SORBS2: variants seen among roughly 807,000 people sequenced by gnomAD.
The protein encoded by SORBS2 is sorbin and SH3 domain containing 2.
SORBS2 carries 46 observed loss-of-function variants against 97.7 expected under a neutral mutation model. That is an observed-to-expected ratio of 0.47 (90% confidence interval 0.37 to 0.60). SORBS2 has a LOEUF of 0.60. Ranked by LOEUF, SORBS2 falls within the 20% of genes least tolerant of loss-of-function variation. SORBS2 has a pLI of 0.00. For missense variants in SORBS2, 1,316 were observed against 1,282.3 expected, an observed-to-expected ratio of 1.03 and a Z score of -0.40; for synonymous variants, 476 against 473.4, an observed-to-expected ratio of 1.01 and a Z score of -0.07.
At chr4:185,665,680 C>G in intron 4 of SORBS2, 1 of 867,802 alleles carries the variant, frequency 1.2e-6, no homozygotes, top group Non-Finnish European at 1.4e-6. Context: ...GATGGCACAA[C>G]AAATCAGTCC....
intron 4 of SORBS2, among the ~76,000 whole-genome samples, chr4:185,641,891 G>T (rs2097132472): frequency 6.6e-6 from 1 of 151,968 alleles, no homozygotes; most frequent in African/African-American, 2.4e-5. Flanking sequence ...AGCTACCAAG[G>T]GTGAACAACT....
At chr4:185,595,054 G>C (rs919018068) in intron 12 of SORBS2, among the ~76,000 whole-genome samples, 1 of 152,138 alleles carries the variant, frequency 6.6e-6, no homozygotes, top group Non-Finnish European at 1.5e-5. Context: ...TCCAAGCTTG[G>C]ATGGATAATT....
At chr4:185,888,941 T>A (rs1340274195) in intron 1 of SORBS2, among the ~76,000 whole-genome samples, 1 of 152,236 alleles carries the variant, frequency 6.6e-6, no homozygotes, top group Non-Finnish European at 1.5e-5. Flanking sequence ...CCTGTCGCCT[T>A]CCAAATTGCC....
chr4:185,801,606 T>G (rs2099130811), intron 1 of SORBS2, among the ~76,000 whole-genome samples: 1 of 152,176 alleles, frequency 6.6e-6, no homozygotes, highest in Non-Finnish European at 1.5e-5. Context: ...TGTTTGCCAT[T>G]TGTATGTCTT....
chr4:185,907,068 AGAGGTTGCAGT>A (rs1416050300), intron 1 of SORBS2, among the ~76,000 whole-genome samples: 3 of 151,830 alleles, frequency 2.0e-5, no homozygotes, highest in Non-Finnish European at 2.9e-5. Flanking sequence ...CCTTGGAGGC[AGAGGTTGCAGT>A]GAGCTGAGAT....
chr4:185,844,832 C>T (rs1340086787), intron 1 of SORBS2, among the ~76,000 whole-genome samples: 1 of 152,098 alleles, frequency 6.6e-6, no homozygotes, highest in Non-Finnish European at 1.5e-5. Context: ...AGAACTTATG[C>T]TAAATGAAAG....
chr4:185,841,318 G>T (rs1392586748), intron 1 of SORBS2, among the ~76,000 whole-genome samples: 1 of 152,200 alleles, frequency 6.6e-6, no homozygotes, highest in Admixed American at 6.5e-5. Context: ...GGAGGCAAAG[G>T]TTGGGGGGAG....
intron 2 of SORBS2, among the ~76,000 whole-genome samples, chr4:185,733,009 A>C (rs2153575570): frequency 6.6e-6 from 1 of 152,336 alleles, no homozygotes; most frequent in African/African-American, 2.4e-5. Context: ...GTGAGGAAGG[A>C]TTCGCTGCTG....
At chr4:185,906,741 C>T (rs545703433) in intron 1 of SORBS2, among the ~76,000 whole-genome samples, 25 of 152,234 alleles carry the variant, frequency 1.6e-4, no homozygotes, top group African/African-American at 5.3e-4. Flanking sequence ...TCTATCTATA[C>T]GAAAAGACAA....
At chr4:185,835,207 A>G (rs10010677) in intron 1 of SORBS2, among the ~76,000 whole-genome samples, 3,922 of 152,308 alleles carry the variant, frequency 0.026, 74 homozygotes, top group African/African-American at 0.051. Context: ...CTGTGAGCCA[A>G]TTAAACCTCT....
chr4:185,608,022 C>T (rs1165933295), intron 12 of SORBS2, among the ~76,000 whole-genome samples: 4 of 152,096 alleles, frequency 2.6e-5, no homozygotes, highest in Non-Finnish European at 5.9e-5. Context: ...TTACTTTAAA[C>T]TATGTTGAAA....
At chr4:185,659,510 G>T (rs2097477473), upstream of SORBS2, among the ~76,000 whole-genome samples, 1 of 151,936 alleles carries the variant, frequency 6.6e-6, no homozygotes, top group Non-Finnish European at 1.5e-5. Context: ...TCCACCTCCT[G>T]GGTTCACGCC....
chr4:185,955,898 G>A (rs897867205), intron 1 of SORBS2, among the ~76,000 whole-genome samples: 3 of 151,724 alleles, frequency 2.0e-5, no homozygotes, highest in African/African-American at 7.3e-5. Context: ...TATAAAGGTA[G>A]CAGAATGTGA....
At chr4:185,745,720 T>G (rs973744339) in intron 2 of SORBS2, among the ~76,000 whole-genome samples, 1 of 152,216 alleles carries the variant, frequency 6.6e-6, no homozygotes, top group Non-Finnish European at 1.5e-5. Context: ...CATTCTCTTT[T>G]TAGTTTTCTT....
chr4:185,921,439 T>G (rs547877675), intron 1 of SORBS2, among the ~76,000 whole-genome samples: 2 of 152,272 alleles, frequency 1.3e-5, no homozygotes, highest in Admixed American at 1.3e-4. Context: ...TGCTTTGCAA[T>G]GGTGGCGTTA....
Position 185,626,903 on chromosome 4 carries a change from A to G in SORBS2, c.563T>C (p.Leu188Pro), listed in dbSNP as rs1431102913. The G allele has an allele frequency of 4.3e-6, 7 of 1,614,224 alleles. No individual in the cohort carries two copies. The South Asian group carries it at 5.5e-5, about 13-fold the overall frequency. The change falls in exon 6 of 15, where the codon CTC becomes CCC. Residue 188 changes from leucine (L) to proline (P), a missense_variant. By Grantham distance (98) the Leu-to-Pro change is moderately conservative. Transcript: ENST00000418609. ...TGTAAGAGTGGTGCTTGATCCTGGG[A>G]GGTCCACTCGGCCTGGGCTAGTCCT...
intron 1 of SORBS2, among the ~76,000 whole-genome samples, chr4:185,830,102 T>C (rs2099204316): frequency 6.6e-6 from 1 of 152,228 alleles, no homozygotes; most frequent in Admixed American, 6.5e-5. Flanking sequence ...GCCATTTGAT[T>C]ATACATTTGT....
rs111234278 is a variant in SORBS2, at chr4:185,864,622, A to C, written c.-337-89256T>G. The stretch of plus-strand genomic sequence containing the variant: ...ACGCCTTGGTAAGAGCAAATAGATC[A>C]CTGAACGGCCGGGTGCGGTGGCTCA... On this transcript the variant is annotated intron_variant, in intron 1 of 20. Transcript: ENST00000284776. 5.8e-3 allele frequency among the ~76,000 whole-genome samples: 883 copies of C among 152,306 alleles called. 6 individuals are homozygous for C. The highest frequency in any genetic ancestry group is 0.02 in the African/African-American group (822 of 41,568).
chr4:185,609,407 A>C (rs2096494476), intron 12 of SORBS2, among the ~76,000 whole-genome samples: 1 of 152,228 alleles, frequency 6.6e-6, no homozygotes, highest in African/African-American at 2.4e-5. Context: ...CCTTGTCATT[A>C]CTGCCACCAT....
Sources: gnomAD v4.1 joint callset for allele counts (sites outside exome capture counted in the v4.1 genomes callset) on GRCh38, gnomAD v4.1.1 for gene constraint, MANE v1.5 for transcripts, NCBI Gene and HGNC (gene_info 2026-07-23, HGNC 2026-07-21) for gene names.